The following PKHD1 variants were observed in gnomAD, a reference collection of about 807,000 sequenced individuals.
PKHD1 encodes PKHD1 ciliary IPT domain containing fibrocystin/polyductin, also known as fibrocystin.
PKHD1 carries 291 observed loss-of-function variants against 412.0 expected under a neutral mutation model. The observed-to-expected ratio is 0.71, with a 90% CI of 0.64 to 0.78. The LOEUF (loss-of-function observed/expected upper bound fraction) is 0.78. PKHD1 is among the 30% of genes least tolerant of loss of function. The pLI is 0.00. For synonymous variants in PKHD1, 1,777 were observed against 1,821.5 expected, an observed-to-expected ratio of 0.98 and a Z score of 0.62; for missense variants, 4,825 against 4,950.7, an observed-to-expected ratio of 0.97 and a Z score of 0.76.
chr6:51,649,672 T>C (rs1042329593), intron 61 of PKHD1, among the ~76,000 whole-genome samples: 10 of 152,120 alleles, frequency 6.6e-5, no homozygotes, highest in Non-Finnish European at 1.3e-4. Flanking sequence ...ACCACCAACA[T>C]AGCTAATTCT....
intron 35 of PKHD1, among the ~76,000 whole-genome samples, chr6:51,989,898 AGGGAGGAAG>A: frequency 6.2e-5 from 1 of 16,092 alleles, no homozygotes; most frequent in Non-Finnish European, 1.2e-4. Flanking sequence ...GGAAGGAAGG[AGGGAGGAAG>A]GAAGGAAGGA....
At chr6:51,953,768 T>G (rs1033657021) in intron 36 of PKHD1, among the ~76,000 whole-genome samples, 2 of 151,996 alleles carry the variant, frequency 1.3e-5, no homozygotes, top group Non-Finnish European at 2.9e-5. Context: ...CCAGATGTAA[T>G]GGACTTAAAA....
At chr6:52,077,388 G>C (rs1314887165) in intron 5 of PKHD1, among the ~76,000 whole-genome samples, 3 of 152,136 alleles carry the variant, frequency 2.0e-5, no homozygotes, top group Non-Finnish European at 2.9e-5. Context: ...CCTAGGAAGA[G>C]ACCTAGTCTC....
At chr6:51,717,498 T>C (rs1279632533) in intron 60 of PKHD1, among the ~76,000 whole-genome samples, 3 of 152,192 alleles carry the variant, frequency 2.0e-5, no homozygotes, top group Non-Finnish European at 4.4e-5. Context: ...TTTACTGTGT[T>C]CTATGTTTAG....
chr6:51,885,760 A>G (rs1778107924), intron 45 of PKHD1, 107 bp downstream of exon 45: 2 of 774,842 alleles, frequency 2.6e-6, no homozygotes, highest in African/African-American at 1.7e-5. Flanking sequence ...CTCAAGGGCA[A>G]GTCAATCCCA....
chr6:51,861,786 A>G (rs1436593655), intron 48 of PKHD1, among the ~76,000 whole-genome samples: 1 of 152,214 alleles, frequency 6.6e-6, no homozygotes, highest in Admixed American at 6.5e-5. Context: ...CTAAGGAAGT[A>G]TCTACAGTTT....
chr6:51,796,794 T>C (rs1582746791), intron 52 of PKHD1, among the ~76,000 whole-genome samples: 1 of 150,974 alleles, frequency 6.6e-6, no homozygotes, highest in East Asian at 2.0e-4. Context: ...TTCATTTCCA[T>C]GGTGTTGTGT....
chr6:51,847,932 G>A lies in PKHD1; in HGVS notation c.7950C>T (p.Tyr2650=). 1 of 1,613,934 alleles carries A rather than the reference G, an allele frequency of 6.2e-7. No homozygotes were observed. The highest frequency in any genetic ancestry group is 1.1e-5 in the South Asian group (1 of 91,076). ...ATFDNFAPGN[Y]LLLVHTDLPP... ...GCAAATCTGTGTGCACCAGCAGTAGGTAATTACCAGGAGCAAAGTTGTCAA... is the reference window on the plus strand; with the variant it reads ...GCAAATCTGTGTGCACCAGCAGTAGATAATTACCAGGAGCAAAGTTGTCAA... Residue 2650 remains tyrosine (Y), a synonymous_variant, in exon 50 of 67, where the codon TAC becomes TAT. Transcript: ENST00000371117.
Position 51,618,445 on chromosome 6 carries a change from G to T in PKHD1, c.*636C>A, listed in dbSNP as rs41273718. ...AGCCCATGAGAATATCAATTTTCATGTGTAAATCCTCATGAAGTGCAAATT... is the reference window on the plus strand; with the variant it reads ...AGCCCATGAGAATATCAATTTTCATTTGTAAATCCTCATGAAGTGCAAATT... On this transcript the variant is annotated 3_prime_UTR_variant, in exon 67 of 67. Transcript: ENST00000371117. 0.015 allele frequency: 2,251 copies of T among 154,006 alleles called. 33 individuals are homozygous for T. Among genetic ancestry groups the T allele is most frequent in the Middle Eastern group, 0.054 (16 of 294 alleles). The allele number at this position is 154,006 out of a possible 1,614,324, so 9.5% of individuals were successfully genotyped here. A position where few individuals can be genotyped will look rare whatever the true frequency, so the allele number is the denominator to read the frequency against.
chr6:52,083,825 C>CTT (rs1346792947), intron 2 of PKHD1, among the ~76,000 whole-genome samples: 9 of 152,154 alleles, frequency 5.9e-5, no homozygotes, highest in African/African-American at 2.2e-4. Context: ...TATTTCAATT[C>CTT]TCCTGCTCAA....
chr6:51,882,653 C>T (rs945167206), intron 46 of PKHD1, among the ~76,000 whole-genome samples: 1 of 152,280 alleles, frequency 6.6e-6, no homozygotes, highest in East Asian at 1.9e-4. Context: ...GTGCTTCCCA[C>T]CCGGGAGTAC....
At chr6:51,725,285 C>G (rs1782437316) in intron 60 of PKHD1, among the ~76,000 whole-genome samples, 3 of 152,162 alleles carry the variant, frequency 2.0e-5, no homozygotes, top group Admixed American at 2.0e-4. Flanking sequence ...CTTTTTTAAA[C>G]AGGACTGAAC....
intron 19 of PKHD1, among the ~76,000 whole-genome samples, chr6:52,055,378 G>A (rs1323623235): frequency 6.6e-6 from 1 of 152,210 alleles, no homozygotes; most frequent in Non-Finnish European, 1.5e-5. Context: ...CTAATACAAA[G>A]GCATTTCCAG....
intron 47 of PKHD1, among the ~76,000 whole-genome samples, chr6:51,869,482 CTA>C (rs2151769628): frequency 6.6e-6 from 1 of 152,136 alleles, no homozygotes; most frequent in African/African-American, 2.4e-5. Context: ...AGGACAGAAA[CTA>C]TGTGTTTTTT....
chr6:51,765,993 C>A (rs1315346777), intron 55 of PKHD1, among the ~76,000 whole-genome samples: 1 of 152,108 alleles, frequency 6.6e-6, no homozygotes, highest in Non-Finnish European at 1.5e-5. Flanking sequence ...CCCATAAATG[C>A]CTCAAGTTGA....
intron 60 of PKHD1, among the ~76,000 whole-genome samples, chr6:51,665,163 A>G (rs1314046931): frequency 1.3e-5 from 2 of 151,820 alleles, no homozygotes; most frequent in Admixed American, 1.3e-4. Flanking sequence ...AATACCGTAC[A>G]AAAAAAATCT....
intron 60 of PKHD1, among the ~76,000 whole-genome samples, chr6:51,701,825 A>T (rs1222166775): frequency 6.6e-6 from 1 of 151,932 alleles, no homozygotes; most frequent in Non-Finnish European, 1.5e-5. Flanking sequence ...TTTCCATAAG[A>T]GACCAAAGAG....
chr6:51,802,429 T>A (rs981327437), intron 52 of PKHD1, among the ~76,000 whole-genome samples: 1 of 151,552 alleles, frequency 6.6e-6, no homozygotes, highest in African/African-American at 2.4e-5. Flanking sequence ...GGAGATAAAA[T>A]CCCTCTCCAA....
Position 52,025,306 on chromosome 6 carries a change from C to A in PKHD1, c.4504G>T (p.Val1502Leu), listed in dbSNP as rs770612141. The A allele has an allele frequency of 6.2e-7, 1 of 1,614,062 alleles. No individual in the cohort carries two copies. The highest frequency in any genetic ancestry group is 8.5e-7 in the Non-Finnish European group (1 of 1,180,024). Residue 1502 changes from valine (V) to leucine (L), a missense_variant, in exon 32 of 67, where the codon GTG becomes TTG. Coordinates refer to ENST00000371117, the MANE Select transcript of PKHD1 (RefSeq NM_138694.4). ...GCTAACCTCTGACCCCTAATCAGCA[C>A]AGTGGTCAGAGACCCACTGGTGTTT... Reference protein sequence around the residue: ...STNTSGSLTTVLIRGQRLATT... With the variant: ...STNTSGSLTTLLIRGQRLATT...
Sources: allele counts gnomAD v4.1 joint callset (sites outside exome capture counted in the v4.1 genomes callset), GRCh38; gene constraint gnomAD v4.1.1; transcripts MANE v1.5; gene names NCBI Gene and HGNC (gene_info 2026-07-23, HGNC 2026-07-21).